TSGA10: variants seen among roughly 807,000 people sequenced by gnomAD.
TSGA10 encodes testis specific 10.
TSGA10 carries 43 observed loss-of-function variants against 96.6 expected under a neutral mutation model. That is an observed-to-expected ratio of 0.44 (90% CI 0.35 to 0.57). TSGA10 has a LOEUF of 0.57. Among genes scored for constraint, TSGA10 ranks in the 20% least tolerant of loss-of-function variants. The pLI, the probability that TSGA10 is intolerant of heterozygous loss-of-function variation, is 0.01. For synonymous variants in TSGA10, 229 were observed against 269.9 expected, an observed-to-expected ratio of 0.85 and a Z score of 1.48; for missense variants, 703 against 834.4, an observed-to-expected ratio of 0.84 and a Z score of 1.94.
At chr2:99,102,440 G>C (rs1379341820) in intron 10 of TSGA10, 1 of 1,613,952 alleles carries the variant, frequency 6.2e-7, no homozygotes, top group East Asian at 2.2e-5. Context: ...AAATGCAACA[G>C]CTTTCAGGTG....
In TSGA10 at chr2:99,033,327, T is replaced by C. The variant is rs1167252173; in HGVS notation, c.1614+1903A>G. Among the ~76,000 whole-genome samples, 5 of 152,224 alleles carry C rather than the reference T, an allele frequency of 3.3e-5. No homozygotes were observed. The East Asian group carries it at 9.6e-4, about 29-fold the overall frequency. On this transcript the variant is annotated intron_variant, in intron 17 of 20. Coordinates refer to ENST00000393483, the MANE Select transcript of TSGA10 (RefSeq NM_025244.4). ...GGATGCAGAGCAAACACGTCTTCTCTTATATACAGAAGTGAGATGACTTTC... is the reference window on the plus strand; with the variant it reads ...GGATGCAGAGCAAACACGTCTTCTCCTATATACAGAAGTGAGATGACTTTC...
At chr2:99,064,257 A>G (rs1408574942) in intron 16 of TSGA10, among the ~76,000 whole-genome samples, 6 of 152,218 alleles carry the variant, frequency 3.9e-5, no homozygotes, top group African/African-American at 1.4e-4. Flanking sequence ...CTTTCCTTCA[A>G]TATGGGAATG....
chr2:99,045,784 C>T (rs59677064), intron 16 of TSGA10, among the ~76,000 whole-genome samples: 11,010 of 152,202 alleles, frequency 0.072, 795 homozygotes, highest in East Asian at 0.21. Flanking sequence ...AAGACACAGA[C>T]TGGCAAATTT....
chr2:99,020,568 A>G (rs1017415603), intron 17 of TSGA10, 86 bp from the exon 18 acceptor site: 83 of 1,017,792 alleles, frequency 8.2e-5, no homozygotes, highest in Non-Finnish European at 1.2e-4. Flanking sequence ...AATTTTCATA[A>G]TCTGTTATAA....
intron 1 of TSGA10, among the ~76,000 whole-genome samples, chr2:99,143,486 CAG>C (rs1331368428): frequency 1.4e-5 from 2 of 147,962 alleles, no homozygotes; most frequent in Non-Finnish European, 3.0e-5. Flanking sequence ...TTTTTTAAGA[CAG>C]AGTCTCACTC....
At chr2:99,007,188 T>C (rs943036866) in intron 20 of TSGA10, among the ~76,000 whole-genome samples, 1 of 152,164 alleles carries the variant, frequency 6.6e-6, no homozygotes, top group South Asian at 2.1e-4. Context: ...GAATACCTAA[T>C]GTAAATGACG....
At chr2:99,095,466 C>G in intron 10 of TSGA10, among the ~76,000 whole-genome samples, 1 of 151,896 alleles carries the variant, frequency 6.6e-6, no homozygotes, top group South Asian at 2.1e-4. Context: ...ACTATTAATA[C>G]TTTTTTAAGT....
chr2:99,074,000 CTT>C (rs1167854716), intron 12 of TSGA10, among the ~76,000 whole-genome samples: 14 of 52,632 alleles, frequency 2.7e-4, no homozygotes, highest in Admixed American at 7.7e-4. Flanking sequence ...TGTTTCTTTT[CTT>C]TTTTTTTTTT....
In TSGA10 at chr2:99,037,763, T is replaced by G. The variant is rs147082671; in HGVS notation, c.1405-2324A>C. ...TACTCTGGAGCCTGAGGCAGAAGAA[T>G]CATGTGAATTCAGGAGGCAGAGGTT... is the stretch of plus-strand genomic sequence containing the variant. On this transcript the variant is annotated intron_variant, in intron 16 of 20. Coordinates refer to ENST00000393483, the MANE Select transcript of TSGA10 (RefSeq NM_025244.4). Among the ~76,000 whole-genome samples, 1,004 of 152,186 alleles carry G rather than the reference T, an allele frequency of 6.6e-3. 13 individuals are homozygous for G. The highest frequency in any genetic ancestry group is 0.023 in the African/African-American group (972 of 41,506).
chr2:99,109,111 AT>A (rs1180843156), intron 6 of TSGA10, 120 bp from the exon 7 acceptor site: 5 of 880,438 alleles, frequency 5.7e-6, no homozygotes, highest in Non-Finnish European at 8.3e-6. Context: ...AAAGGAAATT[AT>A]AAAAAATAAG....
intron 1 of TSGA10, among the ~76,000 whole-genome samples, chr2:99,143,587 T>C (rs1284898374): frequency 6.6e-6 from 1 of 151,616 alleles, no homozygotes; most frequent in Non-Finnish European, 1.5e-5. Context: ...TCTCCTGCCT[T>C]AGCCCCTTGA....
rs778659574 is a variant in TSGA10, at chr2:99,127,064, G to A, written c.-508C>T. On this transcript the variant is annotated 5_prime_UTR_variant, in exon 2 of 21. Coordinates refer to ENST00000393483, the MANE Select transcript of TSGA10 (RefSeq NM_025244.4). ...AAACGCAACCTGTAATTTCAGTGTCGAGATGAATCTATCTTGGTTTCTCAC... is the reference window on the plus strand; with the variant it reads ...AAACGCAACCTGTAATTTCAGTGTCAAGATGAATCTATCTTGGTTTCTCAC... 20 of 1,289,090 alleles carry A rather than the reference G, an allele frequency of 1.6e-5. No individual in the cohort carries two copies. The highest frequency in any genetic ancestry group is 1.6e-5 in the Non-Finnish European group (16 of 988,722). The allele number at this position is 1,289,090 out of a possible 1,614,324, so 79.9% of individuals were successfully genotyped here.
At position 99,035,298 on chromosome 2, in the gene TSGA10, T is replaced by C. The variant is rs1390755652; in HGVS notation, c.1546A>G (p.Ile516Val). 4 of 1,612,886 alleles carry C rather than the reference T, an allele frequency of 2.5e-6. No homozygotes were observed. Among genetic ancestry groups the C allele is most frequent in the Non-Finnish European group, 3.4e-6 (4 of 1,179,316 alleles). Residue 516 changes from isoleucine to valine, a missense_variant, in exon 17 of 21, where the codon ATT becomes GTT. Ile to Val is a conservative substitution (Grantham distance 29). Around this residue, in one of 3 missense-constraint regions of TSGA10, gnomAD observed 585 missense variants for 656.8 expected, o/e 0.89. Transcript: ENST00000393483. ...AGTTCTTTGCTTGAGTCAAGTTTAATACAGAGTTCCCTAGTAGAAGACAAA... is the reference window on the plus strand; with the variant it reads ...AGTTCTTTGCTTGAGTCAAGTTTAACACAGAGTTCCCTAGTAGAAGACAAA... ...ADLSSTRELC[I>V]KLDSSKELLN...
chr2:99,075,542 C>T (rs138830349), intron 12 of TSGA10, among the ~76,000 whole-genome samples: 1 of 152,138 alleles, frequency 6.6e-6, no homozygotes, highest in Non-Finnish European at 1.5e-5. Flanking sequence ...TAATTTATTT[C>T]TGTAATCTCT....
chr2:99,098,345 A>C (rs557630009), intron 10 of TSGA10, among the ~76,000 whole-genome samples: 22 of 150,810 alleles, frequency 1.5e-4, no homozygotes, highest in Middle Eastern at 6.9e-3. Flanking sequence ...AGGCTGAGGC[A>C]GGAGAATGGC....
At chr2:99,108,705 T>A in intron 7 of TSGA10, 128 bp downstream of exon 7, 1 of 624,936 alleles carries the variant, frequency 1.6e-6, no homozygotes, top group Non-Finnish European at 2.5e-6. Context: ...CTTAAAAACA[T>A]ATGTAATCCC....
chr2:99,116,499 A>C (rs1453864608), intron 4 of TSGA10, among the ~76,000 whole-genome samples: 1 of 152,200 alleles, frequency 6.6e-6, no homozygotes, highest in Non-Finnish European at 1.5e-5. Flanking sequence ...GTATCTGTTA[A>C]AATGATATGT....
At chr2:99,080,453 C>T (rs1334747751) in intron 11 of TSGA10, among the ~76,000 whole-genome samples, 6 of 152,076 alleles carry the variant, frequency 3.9e-5, no homozygotes, top group African/African-American at 1.2e-4. Context: ...GGTAATTTCA[C>T]GGTTTTAAAA....
chr2:99,018,112 A>G, intron 20 of TSGA10, 88 bp downstream of exon 20: 1 of 1,329,880 alleles, frequency 7.5e-7, no homozygotes, highest in Admixed American at 2.1e-5. Context: ...TTAAAGATAG[A>G]CTATTGAGTT....
Sources: gnomAD v4.1 joint callset for allele counts (sites outside exome capture counted in the v4.1 genomes callset) on GRCh38, gnomAD v4.1.1 for gene constraint, gnomAD v4.1.1 regional missense constraint, MANE v1.5 for transcripts, NCBI Gene and HGNC (gene_info 2026-07-23, HGNC 2026-07-21) for gene names.